The following ALPK1 variants were observed in gnomAD, a reference collection of about 807,000 sequenced individuals.
ALPK1 encodes alpha kinase 1, also known as alpha-protein kinase 1.
In ALPK1, 110 loss-of-function variants were observed where a neutral mutation model predicts 120.6. That is an observed-to-expected ratio of 0.91 (90% CI 0.78 to 1.07). The LOEUF (loss-of-function observed/expected upper bound fraction) is 1.07, where lower values mean the gene tolerates loss of function less well. Among genes scored for constraint, ALPK1 ranks in the 50% least tolerant of loss-of-function variants. The pLI is 0.00. For synonymous variants in ALPK1, 582 were observed against 560.3 expected (o/e 1.04, Z -0.55); for missense variants, 1,498 against 1,483.9 (o/e 1.01, Z -0.16).
chr4:112,347,157 A>G (rs1377374077), intron 2 of ALPK1, among the ~76,000 whole-genome samples: 3 of 152,226 alleles, frequency 2.0e-5, no homozygotes, highest in Non-Finnish European at 4.4e-5. Flanking sequence ...AATAAACTAC[A>G]TATACTTTTC....
At chr4:112,329,515 G>T (rs564828713) in intron 2 of ALPK1, among the ~76,000 whole-genome samples, 1 of 152,134 alleles carries the variant, frequency 6.6e-6, no homozygotes, top group African/African-American at 2.4e-5. Context: ...AGGCCATTTT[G>T]GTTTTGGGGT....
At position 112,430,486 on chromosome 4, in the gene ALPK1, A is replaced by G. The variant is rs376449672; in HGVS notation, c.939A>G (p.Ser313=). The G allele has an allele frequency of 5.6e-6, 9 of 1,612,812 alleles. No individual in the cohort carries two copies. In the African/African-American group the frequency reaches 1.1e-4, roughly 19 times the overall value. ...CGTGTTTATTGTCCTACAGTAGTTC[A>G]AATGACTGTCCTCCAGAATTGAAAA... ...RGTCLLSYSS[S]NDCPPELKNL... Residue 313 remains serine, a synonymous_variant, in exon 11 of 16, where the codon TCA becomes TCG. Transcript: ENST00000650871.
At chr4:112,316,269 C>T (rs1728630790) in intron 2 of ALPK1, 1 of 152,170 alleles carries the variant, frequency 6.6e-6, no homozygotes, top group Non-Finnish European at 1.5e-5. Context: ...ACTCTAGGTA[C>T]TTCATATAAG....
intron 2 of ALPK1, among the ~76,000 whole-genome samples, chr4:112,327,962 G>A (rs1729189746): frequency 6.6e-6 from 1 of 152,172 alleles, no homozygotes; most frequent in African/African-American, 2.4e-5. Flanking sequence ...AGAATTAGTA[G>A]TATCAACTCC....
In ALPK1 at chr4:112,431,853, T is replaced by C; in HGVS notation, c.2306T>C (p.Ile769Thr). 1 of 1,613,858 alleles carries C rather than the reference T, an allele frequency of 6.2e-7. No individual in the cohort carries two copies. Among genetic ancestry groups the C allele is most frequent in the African/African-American group, 1.3e-5 (1 of 74,972 alleles). Residue 769 changes from isoleucine to threonine, a missense_variant, in exon 11 of 16, where the codon ATT becomes ACT. Coordinates refer to ENST00000650871, the MANE Select transcript of ALPK1 (RefSeq NM_025144.4). ...DRQGKEQGEE[I>T]SERGAGPTFK... Reference sequence around the variant, plus strand: ...CAGGGGAAAGAGCAGGGAGAAGAAATTAGTGAAAGAGGCGCAGGCCCTACA... The same window carrying C: ...CAGGGGAAAGAGCAGGGAGAAGAAACTAGTGAAAGAGGCGCAGGCCCTACA...
At chr4:112,322,013 C>G (rs1438492956) in intron 2 of ALPK1, among the ~76,000 whole-genome samples, 1 of 152,092 alleles carries the variant, frequency 6.6e-6, no homozygotes, top group Non-Finnish European at 1.5e-5. Context: ...GAAGAACCAA[C>G]TTTACTGTCA....
chr4:112,408,328 A>G (rs1232450250), intron 4 of ALPK1, among the ~76,000 whole-genome samples: 1 of 152,210 alleles, frequency 6.6e-6, no homozygotes, highest in Non-Finnish European at 1.5e-5. Context: ...AAGATACAAA[A>G]CAAAGGACTA....
chr4:112,426,430 C>G (rs1734235526), intron 7 of ALPK1, 37 bp from the exon 8 acceptor site: 1 of 1,542,234 alleles, frequency 6.5e-7, no homozygotes, highest in Non-Finnish European at 8.9e-7. Context: ...AGCTGTTCCT[C>G]CCCTGTCCCT....
rs867191939 is a variant in ALPK1, at chr4:112,432,112, G to T, written c.2565G>T (p.Gly855=). The T allele has an allele frequency of 2.8e-5, 46 of 1,614,076 alleles. No individual in the cohort carries two copies. In the East Asian group the frequency reaches 1.0e-3, roughly 36 times the overall value. ...DPDASTVDEE[G]QLLDSMDVPC... ...ATGCCTCCACAGTGGATGAGGAGGG[G>T]CAACTGCTCGACAGCATGGATGTTC... The change falls in exon 11 of 16, where the codon GGG becomes GGT. Residue 855 remains glycine (G), a synonymous_variant. Transcript: ENST00000650871.
intron 2 of ALPK1, among the ~76,000 whole-genome samples, chr4:112,318,671 A>G (rs1250525621): frequency 6.6e-6 from 1 of 152,240 alleles, no homozygotes; most frequent in Non-Finnish European, 1.5e-5. Flanking sequence ...GGAGAGGAAC[A>G]TTCATTCATT....
In ALPK1 at chr4:112,430,505, T is replaced by C. The variant is rs757602009; in HGVS notation, c.958T>C (p.Leu320=). ...TAGTTCAAATGACTGTCCTCCAGAA[T>C]TGAAAAACTTACATCTGTGTGAAGC... ...YSSSNDCPPE[L]KNLHLCEAKE... Residue 320 remains leucine (L), a synonymous_variant, in exon 11 of 16, where the codon TTG becomes CTG. Transcript: ENST00000650871. The C allele has an allele frequency of 1.2e-5, 19 of 1,613,608 alleles. No homozygotes were observed. Among genetic ancestry groups the C allele is most frequent in the African/African-American group, 4.0e-5 (3 of 74,888 alleles).
chr4:112,438,706 T>C (rs1734896461), intron 13 of ALPK1, 60 bp downstream of exon 13: 1 of 1,551,662 alleles, frequency 6.4e-7, no homozygotes. Context: ...TATCAATTAA[T>C]CTGAGTATCT....
intron 1 of ALPK1, among the ~76,000 whole-genome samples, chr4:112,313,751 C>T (rs373554204): frequency 6.6e-6 from 1 of 152,036 alleles, no homozygotes; most frequent in African/African-American, 2.4e-5. Context: ...GAAGAATTGA[C>T]GGCTGGATTT....
At chr4:112,334,059 A>G (rs1307103829) in intron 2 of ALPK1, among the ~76,000 whole-genome samples, 1 of 152,104 alleles carries the variant, frequency 6.6e-6, no homozygotes, top group Non-Finnish European at 1.5e-5. Flanking sequence ...GTACTGTGTA[A>G]CGAACACCCT....
At position 112,441,625 on chromosome 4, in the gene ALPK1, G is replaced by C. The variant is rs1735045450; in HGVS notation, c.*415G>C. 2 of 173,724 alleles carry C rather than the reference G, an allele frequency of 1.2e-5. No individual in the cohort carries two copies. The highest frequency in any genetic ancestry group is 1.2e-4 in the Admixed American group (2 of 17,042). The allele number at this position is 173,724 out of a possible 1,614,324, so 10.8% of individuals were successfully genotyped here. ...TGATACGAATTCAATTTGTTTTCCT[G>C]TCTTTTGACATTTGACTTTGCATAA... On this transcript the variant is annotated 3_prime_UTR_variant, in exon 16 of 16. Transcript: ENST00000650871.
At chr4:112,303,856 C>T (rs1055163749) in intron 1 of ALPK1, among the ~76,000 whole-genome samples, 6 of 152,108 alleles carry the variant, frequency 3.9e-5, no homozygotes, top group East Asian at 1.9e-4. Flanking sequence ...CCCATTAACT[C>T]GTCATTTACA....
At chr4:112,415,498 G>T (rs1733700304) in intron 5 of ALPK1, among the ~76,000 whole-genome samples, 1 of 152,118 alleles carries the variant, frequency 6.6e-6, no homozygotes, top group South Asian at 2.1e-4. Flanking sequence ...TTAGCCTGGT[G>T]TGGTGGCAGG....
chr4:112,359,787 A>G lies in ALPK1; in HGVS notation c.-100-17891A>G. The G allele has an allele frequency of 4.7e-6, 2 of 429,744 alleles. 1 individual carries two copies. The highest frequency in any genetic ancestry group is 9.2e-6 in the Non-Finnish European group (2 of 217,626). 26.6% of individuals were successfully genotyped at this position (429,744 alleles called of 1,614,324 possible). A position where few individuals can be genotyped will look rare whatever the true frequency, so the allele number is the denominator to read the frequency against. On this transcript the variant is annotated intron_variant, in intron 2 of 15. Transcript: ENST00000650871. ...GCACACTGCCTCCAGGAAGCAGAGC[A>G]TCATGCAGGTCTTCTGGCCAGAGCC...
chr4:112,431,998 A>G lies in ALPK1; in HGVS notation c.2451A>G (p.Pro817=), dbSNP rs375768228. 2.4e-5 allele frequency: 39 copies of G among 1,614,042 alleles called. No homozygotes were observed. Among genetic ancestry groups the G allele is most frequent in the Non-Finnish European group, 3.0e-5 (35 of 1,180,014 alleles). ...CTCTGGGAAACATTTCCATGCTGCC[A>G]TGTAGCTCCTTCACCCCTAATTGGC... ...HNSLGNISML[P]CSSFTPNWPV... is the part of the protein sequence containing the mutation. The change falls in exon 11 of 16, where the codon CCA becomes CCG. Residue 817 remains proline, a synonymous_variant. Transcript: ENST00000650871.
Sources: allele counts gnomAD v4.1 joint callset (sites outside exome capture counted in the v4.1 genomes callset), GRCh38; gene constraint gnomAD v4.1.1; transcripts MANE v1.5; gene names NCBI Gene and HGNC (gene_info 2026-07-23, HGNC 2026-07-21).